The following VWF variants were observed in gnomAD, a reference collection of about 807,000 sequenced individuals.
VWF encodes the protein von Willebrand factor.
In VWF, 176 loss-of-function variants were observed where a neutral mutation model predicts 308.6. That is an observed-to-expected ratio of 0.57 (90% CI 0.50 to 0.65). The LOEUF (loss-of-function observed/expected upper bound fraction) is 0.65, where lower values mean the gene tolerates loss of function less well. Ranked by LOEUF, VWF falls within the 30% of genes least tolerant of loss-of-function variation. VWF has a pLI of 0.00. For missense variants in VWF, 3,146 were observed against 3,648.2 expected (o/e 0.86, Z 3.55); for synonymous variants, 1,385 against 1,443.4 (o/e 0.96, Z 0.92).
chr12:5,982,743 T>C (rs547687566), intron 41 of VWF, among the ~76,000 whole-genome samples: 77 of 152,286 alleles, frequency 5.1e-4, no homozygotes, highest in African/African-American at 1.8e-3. Context: ...ATTACATATA[T>C]ACACCTTCAG....
intron 5 of VWF, among the ~76,000 whole-genome samples, chr12:6,104,564 A>G (rs1203069225): frequency 6.6e-6 from 1 of 151,828 alleles, no homozygotes; most frequent in East Asian, 1.9e-4. Context: ...GGACGTGGTG[A>G]CATGCGCCTG....
intron 47 of VWF, among the ~76,000 whole-genome samples, chr12:5,966,053 A>C (rs1943398752): frequency 6.6e-6 from 1 of 152,208 alleles, no homozygotes; most frequent in South Asian, 2.1e-4. Flanking sequence ...CTCCCTCTGA[A>C]CACCAGAGGG....
At chr12:6,035,039 C>A (rs1490102052) in intron 19 of VWF, among the ~76,000 whole-genome samples, 6 of 152,154 alleles carry the variant, frequency 3.9e-5, no homozygotes, top group Admixed American at 6.5e-5. Flanking sequence ...GTGGCTGTCC[C>A]TAAAAGGGGG....
At chr12:5,949,428 AATTTTTATG>A (rs1943153589) in intron 51 of VWF, among the ~76,000 whole-genome samples, 1 of 152,118 alleles carries the variant, frequency 6.6e-6, no homozygotes, top group Non-Finnish European at 1.5e-5. Context: ...CTCTAGCTGC[AATTTTTATG>A]CATGTTAATG....
intron 17 of VWF, among the ~76,000 whole-genome samples, 167 bp from the exon 18 acceptor site, chr12:6,044,618 G>C (rs1381845290): frequency 6.6e-6 from 1 of 152,190 alleles, no homozygotes; most frequent in Non-Finnish European, 1.5e-5. Context: ...GTGGGACTGG[G>C]AGGGCATCTT....
chr12:5,974,735 G>A (rs1368020545), intron 43 of VWF, among the ~76,000 whole-genome samples: 5 of 152,226 alleles, frequency 3.3e-5, no homozygotes, highest in African/African-American at 9.7e-5. Flanking sequence ...AAGCTGGCCT[G>A]CAGTGAGGAG....
intron 27 of VWF, chr12:6,021,673 T>C (rs1223300038): frequency 1.8e-6 from 1 of 554,302 alleles, no homozygotes; most frequent in South Asian, 2.2e-5. Flanking sequence ...GAGGAATATA[T>C]GTGGAGGAAG....
chr12:6,008,688 T>C (rs1436785035), intron 34 of VWF, among the ~76,000 whole-genome samples: 2 of 152,126 alleles, frequency 1.3e-5, no homozygotes, highest in South Asian at 2.1e-4. Context: ...ATCAAGAAGA[T>C]ATGAACATCA....
chr12:6,024,319 C>T lies in VWF; in HGVS notation c.3223-532G>A, dbSNP rs1944166591. On this transcript the variant is annotated intron_variant, in intron 24 of 51. Transcript: ENST00000261405. The surrounding 1 kb of genome is among the most constrained non-coding windows in gnomAD (Gnocchi z 4.0). ...CCAAATCCAGTTCAACCAGTTCCAA[C>T]CCTTCCTCATCCCCAAAACACGCCT... Among the ~76,000 whole-genome samples the T allele has an allele frequency of 6.6e-6, 1 of 152,214 alleles. No individual in the cohort carries two copies. Among genetic ancestry groups the T allele is most frequent in the Non-Finnish European group, 1.5e-5 (1 of 68,038 alleles).
chr12:6,119,919 T>C (rs1945412304), intron 3 of VWF, among the ~76,000 whole-genome samples: 1 of 152,114 alleles, frequency 6.6e-6, no homozygotes, highest in Non-Finnish European at 1.5e-5. Context: ...GAAACACAGA[T>C]GAGTGAGACA....
intron 5 of VWF, 163 bp from the exon 6 acceptor site, chr12:6,095,747 C>T (rs1565387969): frequency 5.3e-6 from 5 of 935,088 alleles, no homozygotes; most frequent in Non-Finnish European, 6.5e-6. Flanking sequence ...AGCGGCTATT[C>T]ACAAGTGCAA....
Position 5,985,125 on chromosome 12 carries a change from G to C in VWF, c.6902-6C>G, listed in dbSNP as rs752321350. 6.2e-7 allele frequency: 1 copy of C among 1,614,178 alleles called. No homozygotes were observed. Among genetic ancestry groups the C allele is most frequent in the South Asian group, 1.1e-5 (1 of 91,088 alleles). ...ACACAGGCCACACGTGGGAGCTAGA[G>C]GAGAGGAACGGCCACAAAAGTCAGA... On this transcript the variant is annotated splice_region_variant and splice_polypyrimidine_tract_variant and intron_variant, in intron 39 of 51. Coordinates refer to ENST00000261405, the MANE Select transcript of VWF (RefSeq NM_000552.5).
At chr12:5,953,783 C>T in intron 47 of VWF, 189 bp from the exon 48 acceptor site, 4 of 627,916 alleles carry the variant, frequency 6.4e-6, no homozygotes, top group Non-Finnish European at 1.2e-5. Flanking sequence ...CTTCACTCTG[C>T]ATGTGCACAT....
intron 10 of VWF, among the ~76,000 whole-genome samples, chr12:6,068,817 CTT>C (rs748547870): frequency 0.2 from 22,084 of 112,802 alleles, 2,827 homozygotes; most frequent in African/African-American, 0.39. Flanking sequence ...CTTTTTCTTC[CTT>C]TTTTTTTTTT....
rs142404899 is a variant in VWF, at chr12:6,064,349, G to A, written c.1329C>T (p.Ser443=). Residue 443 remains serine (S), a synonymous_variant, in exon 12 of 52, where the codon TCC becomes TCT. Transcript: ENST00000261405. ...ADDRDAVCTR[S]VTVRLPGLHN... ...GCAGGCCAGGCAGCCGGACGGTGAC[G>A]GAGCGGGTGCACACAGCGTCGCGGT... 6.6e-4 allele frequency: 1,071 copies of A among 1,614,120 alleles called. 10 individuals carry two copies. In the East Asian group the frequency reaches 0.012, roughly 18 times the overall value.
chr12:6,036,433 T>C lies in VWF; in HGVS notation c.2501A>G (p.Lys834Arg). The C allele has an allele frequency of 1.2e-6, 2 of 1,614,242 alleles. No homozygotes were observed. Among genetic ancestry groups the C allele is most frequent in the Non-Finnish European group, 1.7e-6 (2 of 1,180,028 alleles). ...LERCPCFHQG[K>R]EYAPGETVKI... is the part of the protein sequence containing the mutation. ...CACTGTTTCTCCAGGGGCATACTCC[T>C]TGCCCTGATGGAAGCAGGGACACCT... The change falls in exon 19 of 52, where the codon AAG becomes AGG. Residue 834 changes from lysine (K) to arginine (R), a missense_variant. By Grantham distance (26) the Lys-to-Arg change is conservative (BLOSUM62 2). Coordinates refer to ENST00000261405, the MANE Select transcript of VWF (RefSeq NM_000552.5).
At chr12:5,951,749 G>T in intron 50 of VWF, 95 bp downstream of exon 50, 1 of 1,329,614 alleles carries the variant, frequency 7.5e-7, no homozygotes, top group Non-Finnish European at 1.1e-6. Context: ...GAACAGTCAT[G>T]CGGCTTGCTA....
intron 18 of VWF, among the ~76,000 whole-genome samples, chr12:6,043,580 G>A (rs917806074): frequency 2.0e-4 from 31 of 152,314 alleles, no homozygotes; most frequent in African/African-American, 6.0e-4. Flanking sequence ...TTAATACAAC[G>A]CTGGCTAAGA....
intron 5 of VWF, among the ~76,000 whole-genome samples, chr12:6,103,479 TATAC>T (rs1416578210): frequency 0.02 from 2,865 of 143,054 alleles, 310 homozygotes; most frequent in African/African-American, 0.069. Context: ...TATGTGTGTA[TATAC>T]ATATATGTGT....
Sources: allele counts gnomAD v4.1 joint callset (sites outside exome capture counted in the v4.1 genomes callset), GRCh38; gene constraint gnomAD v4.1.1; non-coding constraint Gnocchi (gnomAD v3.1); transcripts MANE v1.5; gene names NCBI Gene and HGNC (gene_info 2026-07-23, HGNC 2026-07-21).